Variants in RAPGEF2 observed in about 807,000 individuals in gnomAD.
RAPGEF2 encodes the protein PDZ domain containing guanine nucleotide exchange factor (GEF) 1.
Under a neutral mutation model 186.7 loss-of-function variants are expected in RAPGEF2, and 54 were observed. The ratio of observed to expected loss-of-function variants is 0.29; its 90% CI spans 0.23 to 0.36. The LOEUF (loss-of-function observed/expected upper bound fraction) is 0.36. Among genes scored for constraint, RAPGEF2 ranks in the 10% least tolerant of loss-of-function variants. RAPGEF2 has a pLI of 1.00. For missense variants in RAPGEF2, 1,532 were observed against 2,045.0 expected (o/e 0.75, Z 4.84); for synonymous variants, 712 against 705.9 (o/e 1.01, Z -0.14).
chr4:159,169,936 G>A (rs1052420287), intron 1 of RAPGEF2, among the ~76,000 whole-genome samples: 3 of 152,122 alleles, frequency 2.0e-5, no homozygotes, highest in African/African-American at 7.2e-5. Context: ...ATAGCCAGTA[G>A]TGGGACCGCT....
intron 7 of RAPGEF2, among the ~76,000 whole-genome samples, chr4:159,261,542 TTA>T (rs980923693): frequency 2.6e-5 from 4 of 152,240 alleles, no homozygotes; most frequent in Admixed American, 1.3e-4. Context: ...TATTCCATTT[TTA>T]TATAACTGTG....
At chr4:159,220,575 A>C (rs1751434780) in intron 4 of RAPGEF2, among the ~76,000 whole-genome samples, 2 of 152,158 alleles carry the variant, frequency 1.3e-5, no homozygotes, top group African/African-American at 4.8e-5. Flanking sequence ...CACGCTCTAC[A>C]GTTACTGATC....
chr4:159,169,547 C>T (rs1745678420), intron 1 of RAPGEF2, among the ~76,000 whole-genome samples: 1 of 152,060 alleles, frequency 6.6e-6, no homozygotes, highest in African/African-American at 2.4e-5. Flanking sequence ...CTCCTCCTAG[C>T]TAATTTTGTG....
At chr4:159,280,786 C>CATTTT (rs1759585750) in intron 7 of RAPGEF2, among the ~76,000 whole-genome samples, 1 of 152,114 alleles carries the variant, frequency 6.6e-6, no homozygotes, top group South Asian at 2.1e-4. Flanking sequence ...TATCTTCAAG[C>CATTTT]ATTTTAATAA....
At chr4:159,218,697 G>T (rs937557774) in intron 4 of RAPGEF2, among the ~76,000 whole-genome samples, 1 of 152,038 alleles carries the variant, frequency 6.6e-6, no homozygotes, top group Non-Finnish European at 1.5e-5. Context: ...GGCAGAGGTT[G>T]CAGTGAGCCA....
intron 7 of RAPGEF2, among the ~76,000 whole-genome samples, chr4:159,281,284 C>T (rs1052095138): frequency 1.3e-5 from 2 of 152,112 alleles, no homozygotes; most frequent in East Asian, 1.9e-4. Flanking sequence ...GCCACCGCAC[C>T]TGGCCATCAT....
intron 1 of RAPGEF2, among the ~76,000 whole-genome samples, chr4:159,134,113 C>G (rs534819319): frequency 6.3e-4 from 96 of 152,312 alleles, no homozygotes; most frequent in African/African-American, 2.3e-3. Flanking sequence ...TCCCTTGTGC[C>G]TTTGTGCCTT....
chr4:159,201,464 A>C (rs913553237), intron 3 of RAPGEF2, among the ~76,000 whole-genome samples: 1 of 152,208 alleles, frequency 6.6e-6, no homozygotes, highest in African/African-American at 2.4e-5. Context: ...TGACATTGAA[A>C]ACCTCTGATC....
Position 159,350,234 on chromosome 4 carries a change from T to G in RAPGEF2, c.3810T>G (p.Asn1270Lys). The change falls in exon 26 of 30, where the codon AAT becomes AAG. Residue 1270 changes from asparagine (N) to lysine (K), a missense_variant. Physicochemically the swap from Asn to Lys is moderately conservative, Grantham distance 94 (BLOSUM62 0). This residue lies in a region of RAPGEF2 where 594 missense variants were observed against 608.5 expected (regional missense o/e 0.98). Coordinates refer to ENST00000691494, the MANE Select transcript of RAPGEF2 (RefSeq NM_001394067.2). ...HKKQAEDTIS[N>K]ASSQLSSPPT... Reference sequence around the variant, plus strand: ...AACAGGCTGAAGATACAATATCAAATGCATCTTCGCAGCTTTCTTCTCCTC... The same window carrying G: ...AACAGGCTGAAGATACAATATCAAAGGCATCTTCGCAGCTTTCTTCTCCTC... 3.7e-6 allele frequency: 6 copies of G among 1,601,518 alleles called. No individual in the cohort carries two copies. Among genetic ancestry groups the G allele is most frequent in the Non-Finnish European group, 5.1e-6 (6 of 1,174,130 alleles).
At chr4:159,170,828 C>T (rs931905718) in intron 1 of RAPGEF2, among the ~76,000 whole-genome samples, 5 of 151,050 alleles carry the variant, frequency 3.3e-5, no homozygotes, top group Admixed American at 1.3e-4. Flanking sequence ...ATTAGTTTTA[C>T]GGTTCCAGGT....
At chr4:159,171,762 A>G (rs1038605945) in intron 1 of RAPGEF2, among the ~76,000 whole-genome samples, 1 of 152,148 alleles carries the variant, frequency 6.6e-6, no homozygotes, top group East Asian at 1.9e-4. Flanking sequence ...TTCATAGAGA[A>G]TAAGAGCCGG....
chr4:159,225,645 T>TG (rs1207370953), intron 4 of RAPGEF2, among the ~76,000 whole-genome samples: 10 of 152,330 alleles, frequency 6.6e-5, no homozygotes, highest in African/African-American at 2.2e-4. Flanking sequence ...TGTCAACACT[T>TG]GGTGTTGTCA....
intron 1 of RAPGEF2, among the ~76,000 whole-genome samples, chr4:159,123,733 T>C (rs1423439597): frequency 2.0e-5 from 3 of 152,032 alleles, no homozygotes; most frequent in African/African-American, 4.8e-5. Context: ...TTAGCCAGGA[T>C]GGTCTCGATC....
intron 7 of RAPGEF2, among the ~76,000 whole-genome samples, chr4:159,258,509 A>C (rs2110731149): frequency 6.6e-6 from 1 of 152,334 alleles, no homozygotes; most frequent in South Asian, 2.1e-4. Flanking sequence ...TTCTGGTAGT[A>C]AAGTCTGTTG....
At chr4:159,284,164 C>A (rs1239019832) in intron 7 of RAPGEF2, among the ~76,000 whole-genome samples, 1 of 152,164 alleles carries the variant, frequency 6.6e-6, no homozygotes, top group Non-Finnish European at 1.5e-5. Flanking sequence ...CTTCCCAATA[C>A]ACCCCACCAG....
In RAPGEF2 at chr4:159,356,085, G is replaced by C. The variant is rs749275949; in HGVS notation, c.4884G>C (p.Gln1628His). Reference sequence around the variant, plus strand: ...GCAGCAGGCCTGTGAACAAACCTCAGTGGCATAAACCGAACGAGTCTGACC... The same window carrying C: ...GCAGCAGGCCTGTGAACAAACCTCACTGGCATAAACCGAACGAGTCTGACC... ...PTSSRPVNKP[Q>H]WHKPNESDPR... Residue 1628 changes from glutamine to histidine, a missense_variant, in exon 29 of 30, where the codon CAG becomes CAC. By Grantham distance (24) the Gln-to-His change is conservative (BLOSUM62 0). Coordinates refer to ENST00000691494, the MANE Select transcript of RAPGEF2 (RefSeq NM_001394067.2). The C allele has an allele frequency of 6.2e-7, 1 of 1,614,198 alleles. No individual in the cohort carries two copies. The highest frequency in any genetic ancestry group is 8.5e-7 in the Non-Finnish European group (1 of 1,180,042).
intron 2 of RAPGEF2, among the ~76,000 whole-genome samples, chr4:159,190,642 C>T (rs756859267): frequency 2.0e-5 from 3 of 152,152 alleles, no homozygotes; most frequent in Non-Finnish European, 4.4e-5. Context: ...CCTCAGAAAA[C>T]TTACAATCAT....
intron 3 of RAPGEF2, among the ~76,000 whole-genome samples, chr4:159,201,613 GT>G (rs143934013): frequency 0.023 from 3,566 of 152,308 alleles, 64 homozygotes; most frequent in Non-Finnish European, 0.036. Flanking sequence ...TAACAGCAGT[GT>G]AGGTGAGCAA....
At position 159,169,221 on chromosome 4, in the gene RAPGEF2, A is replaced by G. The variant is rs1417720400; in HGVS notation, c.70-17421A>G. Reference sequence around the variant, plus strand: ...TCTATGTGGAAATTTGAGACTAAATAAAAGTTGTCATTTGTATTAGGAAAA... The same window carrying G: ...TCTATGTGGAAATTTGAGACTAAATGAAAGTTGTCATTTGTATTAGGAAAA... On this transcript the variant is annotated intron_variant, in intron 1 of 29. Transcript: ENST00000691494. 3.5e-5 allele frequency among the ~76,000 whole-genome samples: 5 copies of G among 143,688 alleles called. No individual in the cohort carries two copies. The East Asian group carries it at 9.8e-4, about 28-fold the overall frequency. The allele number at this position is 143,688 out of a possible 152,430, so 94.3% of individuals were successfully genotyped here.
Sources: gnomAD v4.1 joint callset for allele counts (sites outside exome capture counted in the v4.1 genomes callset) on GRCh38, gnomAD v4.1.1 for gene constraint, gnomAD v4.1.1 regional missense constraint, MANE v1.5 for transcripts, NCBI Gene and HGNC (gene_info 2026-07-23, HGNC 2026-07-21) for gene names.